Variants in CEP63 observed in about 807,000 individuals in gnomAD.
The protein encoded by CEP63 is centrosomal protein of 63 kDa.
Under a neutral mutation model 89.1 loss-of-function variants are expected in CEP63, and 84 were observed. The observed-to-expected ratio is 0.94, with a 90% CI of 0.79 to 1.13. The LOEUF is 1.13. Ranked by LOEUF, CEP63 falls within the 50% of genes most tolerant of loss-of-function variation. CEP63 has a pLI of 0.00. For synonymous variants in CEP63, 267 were observed against 272.5 expected, an observed-to-expected ratio of 0.98 and a Z score of 0.20; for missense variants, 838 against 813.3, an observed-to-expected ratio of 1.03 and a Z score of -0.37.
the CEP63 span, among the ~76,000 whole-genome samples, chr3:134,670,330 A>T: frequency 6.6e-6 from 1 of 152,126 alleles, no homozygotes; most frequent in Non-Finnish European, 1.5e-5. Context: ...AAATTTTGTT[A>T]AAAAAAGAGT....
At chr3:134,699,523 A>G in the CEP63 span, among the ~76,000 whole-genome samples, 1 of 152,224 alleles carries the variant, frequency 6.6e-6, no homozygotes, top group Non-Finnish European at 1.5e-5. Flanking sequence ...GCTGAAGCAT[A>G]CAGGACAGAC....
chr3:134,751,200 T>A, the CEP63 span, among the ~76,000 whole-genome samples: 1 of 152,226 alleles, frequency 6.6e-6, no homozygotes, highest in Non-Finnish European at 1.5e-5. Flanking sequence ...TAAAAGTCCA[T>A]CCATGTTGTA....
At chr3:134,665,696 CACACACAGAG>C in the CEP63 span, among the ~76,000 whole-genome samples, 4 of 88,340 alleles carry the variant, frequency 4.5e-5, no homozygotes, top group African/African-American at 1.2e-4. Flanking sequence ...CACACACACA[CACACACAGAG>C]AGAGAGAGAG....
downstream of CEP63, among the ~76,000 whole-genome samples, chr3:134,592,295 C>G (rs781351904): frequency 9.2e-5 from 14 of 152,292 alleles, no homozygotes; most frequent in Middle Eastern, 6.8e-3. Flanking sequence ...CTTTTATATC[C>G]TAGTTTTGAG....
chr3:134,526,869 C>T (rs965576476), intron 3 of CEP63, among the ~76,000 whole-genome samples: 11 of 151,862 alleles, frequency 7.2e-5, no homozygotes, highest in Admixed American at 5.2e-4. Context: ...GGAAGATTTT[C>T]GGTGGCCATT....
chr3:134,731,203 T>C, the CEP63 span, among the ~76,000 whole-genome samples: 1 of 152,182 alleles, frequency 6.6e-6, no homozygotes, highest in Non-Finnish European at 1.5e-5. Context: ...TCTCAGTAGT[T>C]AGTAGCTCAA....
chr3:134,597,565 A>C, the CEP63 span, among the ~76,000 whole-genome samples: 1 of 152,316 alleles, frequency 6.6e-6, no homozygotes, highest in East Asian at 1.9e-4. Flanking sequence ...AGCACCTTCA[A>C]GGTCTGCCTG....
chr3:134,759,145 G>A, the CEP63 span, among the ~76,000 whole-genome samples: 20,211 of 152,162 alleles, frequency 0.13, 1,468 homozygotes, highest in Middle Eastern at 0.18. Context: ...TTACGCCTTG[G>A]TTTTAGACTT....
chr3:134,733,328 C>T, the CEP63 span, among the ~76,000 whole-genome samples: 1 of 151,328 alleles, frequency 6.6e-6, no homozygotes, highest in Non-Finnish European at 1.5e-5. Flanking sequence ...AATCTCAAAC[C>T]TGAGACATGT....
downstream of CEP63, among the ~76,000 whole-genome samples, chr3:134,568,222 C>T (rs896263128): frequency 3.3e-5 from 5 of 152,158 alleles, no homozygotes; most frequent in African/African-American, 9.7e-5. Flanking sequence ...GGGGGCCTCT[C>T]AGTGGGCCAG....
chr3:134,642,303 T>G, the CEP63 span, among the ~76,000 whole-genome samples: 2 of 152,052 alleles, frequency 1.3e-5, no homozygotes, highest in African/African-American at 4.8e-5. Flanking sequence ...GGGAAATCAC[T>G]GCCTCTGAAT....
chr3:134,635,428 C>T, the CEP63 span, among the ~76,000 whole-genome samples: 4 of 131,080 alleles, frequency 3.1e-5, no homozygotes, highest in Admixed American at 9.4e-5. Flanking sequence ...ACCTGGGAGG[C>T]GGAGGTTGCA....
chr3:134,560,515 G>A (rs1957152853), intron 14 of CEP63, among the ~76,000 whole-genome samples: 3 of 152,200 alleles, frequency 2.0e-5, no homozygotes, highest in Admixed American at 2.0e-4. Context: ...GGTGACCATA[G>A]GGTGGAGATG....
At chr3:134,556,411 G>A (rs1473554355) in intron 12 of CEP63, among the ~76,000 whole-genome samples, 1 of 152,012 alleles carries the variant, frequency 6.6e-6, no homozygotes, top group Non-Finnish European at 1.5e-5. Flanking sequence ...GGAATAATAG[G>A]AGAGGAGACA....
intron 5 of CEP63, among the ~76,000 whole-genome samples, chr3:134,534,980 C>T (rs779752562): frequency 3.9e-5 from 6 of 152,130 alleles, no homozygotes; most frequent in African/African-American, 1.4e-4. Context: ...GGAGGAACTA[C>T]GCATGCCCTC....
chr3:134,677,216 G>T, the CEP63 span, among the ~76,000 whole-genome samples: 1 of 152,136 alleles, frequency 6.6e-6, no homozygotes, highest in African/African-American at 2.4e-5. Flanking sequence ...CGCAGATGGC[G>T]CCATTGCACT....
At chr3:134,688,136 A>G in the CEP63 span, among the ~76,000 whole-genome samples, 2 of 152,278 alleles carry the variant, frequency 1.3e-5, no homozygotes, top group African/African-American at 4.8e-5. Flanking sequence ...AGTATTATTC[A>G]TGATCGCCAC....
At chr3:134,702,590 C>T in the CEP63 span, among the ~76,000 whole-genome samples, 1 of 152,030 alleles carries the variant, frequency 6.6e-6, no homozygotes, top group Non-Finnish European at 1.5e-5. Context: ...ACCATCTGAC[C>T]TACAACCATC....
the CEP63 span, among the ~76,000 whole-genome samples, chr3:134,750,851 G>C: frequency 1.4e-4 from 21 of 152,314 alleles, 1 homozygote; most frequent in Admixed American, 1.3e-3. Flanking sequence ...AAAAAATTGA[G>C]ATGAAATTTC....
Sources: gnomAD v4.1 joint callset for allele counts (sites outside exome capture counted in the v4.1 genomes callset) on GRCh38, gnomAD v4.1.1 for gene constraint, MANE v1.5 for transcripts, NCBI Gene and HGNC (gene_info 2026-07-23, HGNC 2026-07-21) for gene names.